Variants in CEP350 observed in about 807,000 individuals in gnomAD.
The protein encoded by CEP350 is centrosome-associated protein 350.
In CEP350, 126 loss-of-function variants were observed where a neutral mutation model predicts 331.8. That is an observed-to-expected ratio of 0.38 (90% confidence interval 0.33 to 0.44). The LOEUF (loss-of-function observed/expected upper bound fraction) is 0.44, where lower values mean the gene tolerates loss of function less well. Among genes scored for constraint, CEP350 ranks in the 20% least tolerant of loss-of-function variants. CEP350 has a pLI of 1.00. For missense variants in CEP350, 3,406 were observed against 3,634.6 expected (o/e 0.94, Z 1.62); for synonymous variants, 1,200 against 1,259.5 (o/e 0.95, Z 1.00).
rs533015745 is a variant in CEP350 at position 179,993,808 on chromosome 1, C to T, written c.395+1587C>T. Among the ~76,000 whole-genome samples, 6 of 152,264 alleles carry T rather than the reference C, an allele frequency of 3.9e-5. No homozygotes were observed. The South Asian group carries it at 1.2e-3, about 32-fold the overall frequency. On this transcript the variant is annotated intron_variant, in intron 5 of 37. Coordinates refer to ENST00000367607, the MANE Select transcript of CEP350 (RefSeq NM_014810.5). Reference sequence around the variant, plus strand: ...AAGATAGCTGTGAATGGAATACCCTCCACCTGGTGGATTCCATTCCTCACT... The same window carrying T: ...AAGATAGCTGTGAATGGAATACCCTTCACCTGGTGGATTCCATTCCTCACT...
rs566816388 is a variant in CEP350 at position 180,092,999 on chromosome 1, T to C, written c.6894T>C (p.Leu2298=). The C allele has an allele frequency of 1.1e-5, 18 of 1,603,806 alleles. 1 individual carries two copies. Among genetic ancestry groups the C allele is most frequent in the African/African-American group, 8.0e-5 (6 of 74,966 alleles). Residue 2298 remains leucine, a synonymous_variant, in exon 34 of 38, where the codon CTT becomes CTC. Transcript: ENST00000367607. ...AACAGGGAGATTCATCTGAAATTCTTTCAAAGAAAGATCTTCCTTTAGATT... is the reference window on the plus strand; with the variant it reads ...AACAGGGAGATTCATCTGAAATTCTCTCAAAGAAAGATCTTCCTTTAGATT... ...VLEQGDSSEI[L]SKKDLPLDSE...
intron 36 of CEP350, among the ~76,000 whole-genome samples, chr1:180,098,011 C>T (rs1660575540): frequency 6.6e-6 from 1 of 152,256 alleles, no homozygotes. Context: ...ACTCTTGTTG[C>T]CCAGGCTGGA....
intron 17 of CEP350, among the ~76,000 whole-genome samples, chr1:180,037,910 A>G (rs933999947): frequency 1.3e-5 from 2 of 152,098 alleles, no homozygotes; most frequent in Non-Finnish European, 2.9e-5. Flanking sequence ...CGGCCTCCCA[A>G]AGTGCTGGGA....
chr1:180,021,651 C>T (rs1558107057), intron 12 of CEP350, among the ~76,000 whole-genome samples: 1 of 151,100 alleles, frequency 6.6e-6, no homozygotes, highest in African/African-American at 2.4e-5. Context: ...GAGCGAGACT[C>T]CTCAAAAAAA....
rs116561627 is a variant in CEP350, at chr1:180,077,776, A to G, written c.5768-687A>G. Among the ~76,000 whole-genome samples the G allele has an allele frequency of 9.2e-3, 1,401 of 152,080 alleles. 22 individuals carry two copies. Among genetic ancestry groups the G allele is most frequent in the African/African-American group, 0.03 (1,233 of 41,528 alleles). On this transcript the variant is annotated intron_variant, in intron 28 of 37. Transcript: ENST00000367607. ...CTCCTTAAACTGATCTGTAGATTCA[A>G]GACTATTTACATCAGAAACCCAGCA...
At chr1:180,061,956 T>C (rs1253939509) in intron 25 of CEP350, among the ~76,000 whole-genome samples, 1 of 152,102 alleles carries the variant, frequency 6.6e-6, no homozygotes, top group Non-Finnish European at 1.5e-5. Context: ...GTAAAATATA[T>C]GTTATGTTTT....
At chr1:180,012,678 C>A (rs1194246290) in intron 9 of CEP350, among the ~76,000 whole-genome samples, 1 of 152,162 alleles carries the variant, frequency 6.6e-6, no homozygotes, top group African/African-American at 2.4e-5. Context: ...TTCTTTTCAG[C>A]AGCCAAATTT....
At position 180,041,204 on chromosome 1, in the gene CEP350, G is replaced by A. The variant is rs1656739278; in HGVS notation, c.4177G>A (p.Glu1393Lys). 1 of 1,597,454 alleles carries A rather than the reference G, an allele frequency of 6.3e-7. No individual in the cohort carries two copies. Among genetic ancestry groups the A allele is most frequent in the Non-Finnish European group, 8.5e-7 (1 of 1,171,916 alleles). The part of the protein sequence containing the change: ...LKLKAEQEAL[E>K]SQRQLEETRN... ...ACTAAAGGCTGAACAAGAGGCTCTG[G>A]AGAGTCAGAGACAATTAGAAGAAAC... The change falls in exon 18 of 38, where the codon GAG (glutamate) becomes AAG (lysine). Residue 1393 changes from glutamate to lysine, a missense_variant. By Grantham distance (56) the Glu-to-Lys change is moderately conservative. This residue lies in a region of CEP350 where 1,857 missense variants were observed against 1,909.2 expected (regional missense o/e 0.97). Coordinates refer to ENST00000367607, the MANE Select transcript of CEP350 (RefSeq NM_014810.5).
At chr1:180,038,042 C>T (rs140773939) in intron 17 of CEP350, among the ~76,000 whole-genome samples, 2 of 152,266 alleles carry the variant, frequency 1.3e-5, no homozygotes, top group Non-Finnish European at 1.5e-5. Flanking sequence ...AGAAAGTTGA[C>T]TTATGCCCAT....
intron 1 of CEP350, among the ~76,000 whole-genome samples, chr1:179,974,695 T>A (rs73041713): frequency 0.017 from 2,543 of 152,266 alleles, 73 homozygotes; most frequent in African/African-American, 0.058. Context: ...ACAAGAACTA[T>A]GAAAAATGAA....
chr1:180,040,997 ATTATT>A, intron 17 of CEP350, 136 bp from the exon 18 acceptor site: 2 of 613,818 alleles, frequency 3.3e-6, no homozygotes, highest in South Asian at 4.2e-5. Context: ...GCTGTTGACT[ATTATT>A]TTTACTATCT....
intron 25 of CEP350, among the ~76,000 whole-genome samples, chr1:180,058,949 C>T (rs1320404190): frequency 1.3e-5 from 2 of 152,134 alleles, no homozygotes; most frequent in African/African-American, 4.8e-5. Context: ...ATTCGTTTTA[C>T]CCTCCCTGAA....
In CEP350 at chr1:180,048,654, G is replaced by A; in HGVS notation, c.4741G>A (p.Ala1581Thr). 6.2e-7 allele frequency: 1 copy of A among 1,612,630 alleles called. No homozygotes were observed. The highest frequency in any genetic ancestry group is 8.5e-7 in the Non-Finnish European group (1 of 1,179,012). Residue 1581 changes from alanine (A) to threonine (T), a missense_variant, in exon 22 of 38, where the codon GCA (alanine) becomes ACA (threonine). Physicochemically the swap from Ala to Thr is moderately conservative, Grantham distance 58 (BLOSUM62 0). This residue lies in a region of CEP350 where 1,857 missense variants were observed against 1,909.2 expected (regional missense o/e 0.97). Coordinates refer to ENST00000367607, the MANE Select transcript of CEP350 (RefSeq NM_014810.5). ...CATTGATGAACAGGTTCAGACTGCTGCAGATGATTCTCTACGAAGTGATAG... is the reference window on the plus strand; with the variant it reads ...CATTGATGAACAGGTTCAGACTGCTACAGATGATTCTCTACGAAGTGATAG... ...SSIDEQVQTA[A>T]DDSLRSDSVP...
At chr1:180,032,888 A>G (rs1656111274) in intron 15 of CEP350, among the ~76,000 whole-genome samples, 1 of 152,076 alleles carries the variant, frequency 6.6e-6, no homozygotes, top group South Asian at 2.1e-4. Flanking sequence ...TTTGTGTTTC[A>G]TACATGAAAT....
At chr1:180,072,529 C>T (rs919282780) in intron 27 of CEP350, among the ~76,000 whole-genome samples, 9 of 152,012 alleles carry the variant, frequency 5.9e-5, no homozygotes, top group Non-Finnish European at 8.8e-5. Context: ...GTTTATTGTA[C>T]GTTCATAAAG....
chr1:180,041,383 T>A (rs1163299788), intron 18 of CEP350, 135 bp downstream of exon 18: 3 of 689,316 alleles, frequency 4.4e-6, no homozygotes, highest in African/African-American at 1.8e-5. Flanking sequence ...TTTTATGGGA[T>A]AATGCCATGT....
intron 25 of CEP350, among the ~76,000 whole-genome samples, chr1:180,057,710 G>A (rs1158082979): frequency 6.6e-6 from 1 of 152,070 alleles, no homozygotes; most frequent in East Asian, 1.9e-4. Context: ...GTTATCAACT[G>A]TTCATCTTAA....
chr1:180,091,892 C>G (rs990801226), intron 33 of CEP350, among the ~76,000 whole-genome samples: 1 of 151,252 alleles, frequency 6.6e-6, no homozygotes, highest in African/African-American at 2.4e-5. Context: ...ACATCAGTGA[C>G]AAATAGAGAT....
intron 11 of CEP350, among the ~76,000 whole-genome samples, chr1:180,019,000 C>T (rs1655148954): frequency 1.3e-5 from 2 of 152,128 alleles, no homozygotes. Flanking sequence ...GGACTACAGG[C>T]ACATGCCACC....
Sources: allele counts gnomAD v4.1 joint callset (sites outside exome capture counted in the v4.1 genomes callset), GRCh38; gene constraint gnomAD v4.1.1; regional missense constraint gnomAD v4.1.1; transcripts MANE v1.5; gene names NCBI Gene and HGNC (gene_info 2026-07-23, HGNC 2026-07-21).